The following FLI1 variants were observed in gnomAD, a reference collection of about 807,000 sequenced individuals.
FLI1 encodes the protein Fli-1 proto-oncogene, ETS transcription factor.
In FLI1, 13 loss-of-function variants were observed where a neutral mutation model predicts 53.1. The observed-to-expected ratio is 0.24, with a 90% CI of 0.16 to 0.39. FLI1 has a LOEUF of 0.39. Among genes scored for constraint, FLI1 ranks in the 10% least tolerant of loss-of-function variants. FLI1 has a pLI of 1.00. For missense variants in FLI1, 424 were observed against 600.5 expected (o/e 0.71, Z 3.07); for synonymous variants, 244 against 236.7 (o/e 1.03, Z -0.28).
At position 128,799,829 on chromosome 11, in the gene FLI1, C is replaced by G. The variant is rs558054043; in HGVS notation, c.656-5537C>G. 1.7e-3 allele frequency among the ~76,000 whole-genome samples: 262 copies of G among 152,306 alleles called. 1 individual carries two copies. Among genetic ancestry groups the G allele is most frequent in the African/African-American group, 5.9e-3 (245 of 41,554 alleles). Reference sequence around the variant, plus strand: ...TGAAGGAACGCTTAGAGGAGAGCAGCTTCTGCAGGTTGGTGGCTGGGAGAG... The same window carrying G: ...TGAAGGAACGCTTAGAGGAGAGCAGGTTCTGCAGGTTGGTGGCTGGGAGAG... On this transcript the variant is annotated intron_variant, in intron 5 of 8. Transcript: ENST00000527786.
rs968351595 is a variant in FLI1, at chr11:128,811,908, C to G, written c.*920C>G. 5.0e-6 allele frequency: 1 copy of G among 198,024 alleles called. No homozygotes were observed. The highest frequency in any genetic ancestry group is 1.0e-5 in the Non-Finnish European group (1 of 95,628). The allele number at this position is 198,024 out of a possible 1,614,324, so 12.3% of individuals were successfully genotyped here. On this transcript the variant is annotated 3_prime_UTR_variant, in exon 9 of 9. Coordinates refer to ENST00000527786, the MANE Select transcript of FLI1 (RefSeq NM_002017.5). ...TAATTAAAAATTAAGAATAAATAAA[C>G]GAGTTGACCTCGGTCACAAAAGCAG...
chr11:128,716,150 T>C (rs1332050680), intron 1 of FLI1, among the ~76,000 whole-genome samples: 1 of 152,230 alleles, frequency 6.6e-6, no homozygotes, highest in African/African-American at 2.4e-5. Context: ...GCCTGATTCA[T>C]ACAATGCAGC....
intron 1 of FLI1, among the ~76,000 whole-genome samples, chr11:128,744,046 T>A (rs373084682): frequency 5.9e-5 from 9 of 152,186 alleles, no homozygotes; most frequent in Non-Finnish European, 1.3e-4. Context: ...GATGAGAGGA[T>A]GCTTGGCTCC....
chr11:128,806,469 G>C (rs563278931), intron 6 of FLI1: 1 of 152,244 alleles, frequency 6.6e-6, no homozygotes, highest in Non-Finnish European at 1.5e-5. Context: ...AGCTTAGGAT[G>C]TGTGATGCAG....
chr11:128,790,283 A>AAG (rs1235939969), intron 5 of FLI1, among the ~76,000 whole-genome samples: 1 of 141,900 alleles, frequency 7.0e-6, no homozygotes, highest in African/African-American at 2.7e-5. Context: ...GAGAGAGATT[A>AAG]AGAGAGAGAG....
At position 128,810,508 on chromosome 11, in the gene FLI1, C is replaced by G; in HGVS notation, c.879C>G (p.Asp293Glu). 6.2e-7 allele frequency: 1 copy of G among 1,607,130 alleles called. No homozygotes were observed. The highest frequency in any genetic ancestry group is 8.5e-7 in the Non-Finnish European group (1 of 1,176,704). Residue 293 changes from aspartate to glutamate, a missense_variant, in exon 9 of 9, where the codon GAC becomes GAG. By Grantham distance (45) the Asp-to-Glu change is conservative. Transcript: ENST00000527786. The surrounding 1 kb of genome is among the most constrained non-coding windows in gnomAD (Gnocchi z 6.6). The part of the protein sequence containing the change: ...LWQFLLELLS[D>E]SANASCITWE... ...AATTCCTCCTGGAGCTGCTCTCCGACAGCGCCAACGCCAGCTGTATCACCT... is the reference window on the plus strand; with the variant it reads ...AATTCCTCCTGGAGCTGCTCTCCGAGAGCGCCAACGCCAGCTGTATCACCT...
intron 6 of FLI1, 59 bp from the exon 7 acceptor site, chr11:128,807,121 T>A (rs1266597197): frequency 9.1e-7 from 1 of 1,102,990 alleles, no homozygotes; most frequent in Non-Finnish European, 1.3e-6. Flanking sequence ...TGTCAAGACG[T>A]CTTGCTCCCC....
At chr11:128,762,195 G>T (rs747222295) in intron 2 of FLI1, among the ~76,000 whole-genome samples, 8 of 152,220 alleles carry the variant, frequency 5.3e-5, no homozygotes, top group Non-Finnish European at 7.3e-5. Context: ...CCTGAACACT[G>T]TGCTTCTCCT....
At chr11:128,697,936 T>C (rs1017741854) in intron 1 of FLI1, among the ~76,000 whole-genome samples, 3 of 152,090 alleles carry the variant, frequency 2.0e-5, no homozygotes, top group Non-Finnish European at 4.4e-5. Flanking sequence ...TAACGCAGGT[T>C]AGGGAATGGA....
chr11:128,694,138 C>G lies in FLI1; in HGVS notation c.-121C>G. On this transcript the variant is annotated 5_prime_UTR_variant, in exon 1 of 9. Coordinates refer to ENST00000527786, the MANE Select transcript of FLI1 (RefSeq NM_002017.5). ...GAGGGCAGGGCGCTCGCAGGGGGCA[C>G]GCAGGGAGGGCCCAGGGCGCCAGGG... 9.1e-7 allele frequency: 1 copy of G among 1,099,804 alleles called. No homozygotes were observed. Among genetic ancestry groups the G allele is most frequent in the Non-Finnish European group, 1.3e-6 (1 of 799,604 alleles). 68.1% of individuals were successfully genotyped at this position (1,099,804 alleles called of 1,614,324 possible).
chr11:128,764,613 TC>T (rs1482542583), intron 2 of FLI1: 56 of 1,518,186 alleles, frequency 3.7e-5, no homozygotes, highest in Non-Finnish European at 4.8e-5. Context: ...CGTCCCGCAC[TC>T]CCCCTCCCTC....
chr11:128,705,902 CT>C (rs886687889), intron 1 of FLI1, among the ~76,000 whole-genome samples: 28 of 151,522 alleles, frequency 1.8e-4, no homozygotes, highest in African/African-American at 6.1e-4. Context: ...CCTGCCTTTG[CT>C]TTTTTTTTCC....
chr11:128,693,833 T>C (rs1012718724), upstream of FLI1: 4 of 234,516 alleles, frequency 1.7e-5, no homozygotes, highest in African/African-American at 2.4e-5. Flanking sequence ...TATATTTATA[T>C]AGTGTGTGAT....
In FLI1 at chr11:128,810,337, A is replaced by G. The variant is rs1942905048; in HGVS notation, c.830-122A>G. On this transcript the variant is annotated intron_variant, in intron 8 of 8. Transcript: ENST00000527786. This position sits in a 1 kb window ranked among gnomAD's most constrained non-coding sequence, Gnocchi z 6.6. Reference sequence around the variant, plus strand: ...AGAAGGGCTTGTCAAGTCGATCCCAATGTCGAAGGAAACAAAAGGTTTCTT... The same window carrying G: ...AGAAGGGCTTGTCAAGTCGATCCCAGTGTCGAAGGAAACAAAAGGTTTCTT... The G allele has an allele frequency of 3.1e-6, 3 of 973,030 alleles. No individual in the cohort carries two copies. Among genetic ancestry groups the G allele is most frequent in the East Asian group, 2.7e-5 (1 of 37,672 alleles). 60.3% of individuals were successfully genotyped at this position (973,030 alleles called of 1,614,324 possible).
intron 3 of FLI1, among the ~76,000 whole-genome samples, chr11:128,771,972 G>C (rs1189123071): frequency 1.3e-5 from 2 of 151,650 alleles, no homozygotes; most frequent in Non-Finnish European, 2.9e-5. Context: ...AAAGAGTTCT[G>C]CCTACTGTGG....
chr11:128,690,021 G>C (rs989549888), upstream of FLI1, among the ~76,000 whole-genome samples: 2 of 152,256 alleles, frequency 1.3e-5, no homozygotes, highest in South Asian at 2.1e-4. Flanking sequence ...AAGCAGGCGC[G>C]CCTGCAGAGC....
At chr11:128,687,705 C>A (rs976409929) in intron 1 of FLI1, among the ~76,000 whole-genome samples, 2 of 152,222 alleles carry the variant, frequency 1.3e-5, no homozygotes, top group East Asian at 1.9e-4. Context: ...GGGTCCTGTC[C>A]AAGGATTGCC....
At chr11:128,709,366 G>C (rs1433048270) in intron 1 of FLI1, among the ~76,000 whole-genome samples, 2 of 152,250 alleles carry the variant, frequency 1.3e-5, no homozygotes, top group Admixed American at 6.5e-5. Context: ...TAAATCTGTT[G>C]GGTTGCTTTT....
chr11:128,764,398 C>T (rs1480029399), intron 2 of FLI1, among the ~76,000 whole-genome samples: 1 of 152,230 alleles, frequency 6.6e-6, no homozygotes, highest in Non-Finnish European at 1.5e-5. Flanking sequence ...CTGCTGTGGC[C>T]TCTGTCGCCC....
Sources: gnomAD v4.1 joint callset for allele counts (sites outside exome capture counted in the v4.1 genomes callset) on GRCh38, gnomAD v4.1.1 for gene constraint, Gnocchi (gnomAD v3.1) non-coding constraint, MANE v1.5 for transcripts, NCBI Gene and HGNC (gene_info 2026-07-23, HGNC 2026-07-21) for gene names.